Variants in CASP4 observed in about 807,000 individuals in gnomAD.
CASP4 encodes caspase-4.
CASP4 carries 29 observed loss-of-function variants against 41.3 expected under a neutral mutation model. That is an observed-to-expected ratio of 0.70 (90% CI 0.52 to 0.96). CASP4 has a LOEUF of 0.96. Ranked by LOEUF, CASP4 falls within the 40% of genes least tolerant of loss-of-function variation. The pLI, the probability that CASP4 is intolerant of heterozygous loss-of-function variation, is 0.00. For synonymous variants in CASP4, 185 were observed against 158.4 expected (o/e 1.17, Z -1.26); for missense variants, 447 against 460.6 (o/e 0.97, Z 0.27).
intron 1 of CASP4, among the ~76,000 whole-genome samples, chr11:104,955,984 A>G (rs1314368780): frequency 1.3e-5 from 2 of 152,150 alleles, no homozygotes; most frequent in Non-Finnish European, 2.9e-5. Flanking sequence ...GTTATCTTGA[A>G]TTAATATTTT....
chr11:104,951,739 T>C, intron 3 of CASP4, 157 bp downstream of exon 3: 1 of 682,366 alleles, frequency 1.5e-6, no homozygotes, highest in South Asian at 1.5e-5. Context: ...ATTGGTATCA[T>C]TGTGAAGTCA....
intron 1 of CASP4, among the ~76,000 whole-genome samples, chr11:104,964,947 A>G (rs1447158890): frequency 6.6e-6 from 1 of 152,246 alleles, no homozygotes; most frequent in Non-Finnish European, 1.5e-5. Context: ...CATGCAAATA[A>G]TCAGGCCAAG....
chr11:104,956,238 GTAGTTATTA>G (rs1373174274), intron 1 of CASP4, among the ~76,000 whole-genome samples: 1 of 151,884 alleles, frequency 6.6e-6, no homozygotes, highest in Non-Finnish European at 1.5e-5. Flanking sequence ...AGCCAGTGGG[GTAGTTATTA>G]TATTCCCTAT....
At chr11:104,955,404 C>T (rs947538180) in intron 1 of CASP4, among the ~76,000 whole-genome samples, 1 of 151,908 alleles carries the variant, frequency 6.6e-6, no homozygotes, top group Admixed American at 6.6e-5. Context: ...TAAATTCTTC[C>T]TACTAGATTT....
At chr11:104,950,549 C>T (rs776778934) in intron 4 of CASP4, among the ~76,000 whole-genome samples, 4 of 151,918 alleles carry the variant, frequency 2.6e-5, no homozygotes, top group Non-Finnish European at 4.4e-5. Context: ...CTATTCCCAA[C>T]GTTAGGAATA....
intron 8 of CASP4, chr11:104,944,470 C>G (rs1860404386): frequency 3.0e-6 from 1 of 336,610 alleles, no homozygotes; most frequent in African/African-American, 2.1e-5. Context: ...GAGCATGTTT[C>G]TATTTTAATA....
intron 1 of CASP4, 95 bp from the exon 2 acceptor site, chr11:104,955,096 A>G: frequency 8.3e-7 from 1 of 1,204,186 alleles, no homozygotes; most frequent in South Asian, 1.5e-5. Context: ...AATACTTCTG[A>G]AAGTATGTCC....
At position 104,947,159 on chromosome 11, in the gene CASP4, G is replaced by C. The variant is rs971501537; in HGVS notation, c.959C>G (p.Ser320Cys). ...TGTGATGAGTTGTGTGATGAAGATA[G>C]AGCCCATTGTGCTGTCTCTCCAGGA... ...NVSWRDSTMG[S>C]IFITQLITCF... The change falls in exon 7 of 9, where the codon TCT becomes TGT. Residue 320 changes from serine to cysteine, a missense_variant. Physicochemically the swap from Ser to Cys is moderately radical, Grantham distance 112. Coordinates refer to ENST00000444739, the MANE Select transcript of CASP4 (RefSeq NM_001225.4). 1 of 1,612,458 alleles carries C rather than the reference G, an allele frequency of 6.2e-7. No homozygotes were observed. The highest frequency in any genetic ancestry group is 1.3e-5 in the African/African-American group (1 of 74,986).
intron 1 of CASP4, among the ~76,000 whole-genome samples, chr11:104,967,853 A>G (rs1861009920): frequency 1.3e-5 from 2 of 152,196 alleles, no homozygotes; most frequent in South Asian, 4.1e-4. Flanking sequence ...CTAGCTGCCT[A>G]AGTAACTCTA....
chr11:104,945,341 C>A (rs982901791), intron 7 of CASP4, among the ~76,000 whole-genome samples: 2 of 151,848 alleles, frequency 1.3e-5, no homozygotes, highest in South Asian at 4.2e-4. Context: ...CAACCTCCGC[C>A]TCCAGAGTTC....
rs115748894 is a variant in CASP4 at position 104,966,072 on chromosome 11, G to C, written c.7+2447C>G. Among the ~76,000 whole-genome samples, 1,156 of 152,216 alleles carry C rather than the reference G, an allele frequency of 7.6e-3. 8 individuals carry two copies. The highest frequency in any genetic ancestry group is 0.042 in the South Asian group (201 of 4,824). ...AACGTTCTTATTTCTGAATGCTCGG[G>C]GAGACTGATTTAAGTAATAATAACA... On this transcript the variant is annotated intron_variant, in intron 1 of 8. Transcript: ENST00000444739.
chr11:104,963,287 T>A (rs1043652052), intron 1 of CASP4, among the ~76,000 whole-genome samples: 1 of 152,172 alleles, frequency 6.6e-6, no homozygotes, highest in African/African-American at 2.4e-5. Flanking sequence ...AATGCACACA[T>A]AAGAGGCACT....
chr11:104,943,684 A>T (rs950435691), intron 8 of CASP4: 1 of 152,202 alleles, frequency 6.6e-6, no homozygotes, highest in Non-Finnish European at 1.5e-5. Flanking sequence ...GGCATATTCC[A>T]AGCATCTAGA....
chr11:104,944,366 C>CTGTGTGTGTGTGTGTG (rs751326691), intron 8 of CASP4: 2 of 106,918 alleles, frequency 1.9e-5, no homozygotes, highest in African/African-American at 6.2e-5. Flanking sequence ...CTCTCTCTCT[C>CTGTGTGTGTGTGTGTG]TCTGTGTGTG....
chr11:104,960,233 C>T (rs1024343675), intron 1 of CASP4, among the ~76,000 whole-genome samples: 1 of 152,258 alleles, frequency 6.6e-6, no homozygotes, highest in Admixed American at 6.5e-5. Flanking sequence ...CTCAGGGAAT[C>T]AAGTCTCTAC....
At chr11:104,946,881 T>A (rs180863076) in intron 7 of CASP4, 1 of 451,414 alleles carries the variant, frequency 2.2e-6, no homozygotes, top group Non-Finnish European at 4.0e-6. Flanking sequence ...ATGGTTGATA[T>A]TATTTTATTT....
chr11:104,943,712 G>A (rs541968462), intron 8 of CASP4: 2 of 152,296 alleles, frequency 1.3e-5, no homozygotes, highest in East Asian at 3.9e-4. Context: ...CTGGTGCACA[G>A]TTAGTGTTGG....
intron 2 of CASP4, among the ~76,000 whole-genome samples, chr11:104,952,656 C>A (rs565498202): frequency 6.6e-6 from 1 of 152,126 alleles, no homozygotes; most frequent in African/African-American, 2.4e-5. Context: ...TACACCAAAG[C>A]ACAGAATATT....
In CASP4 at chr11:104,954,880, C is replaced by CT. The variant is rs772291949; in HGVS notation, c.128dup (p.Lys44GlufsTer6). ...CTTCAGTTTTAGCATCGTAATATTT[C>CT]TTTTTTTCCTCTTCCTTCCAGTTCA... is the stretch of plus-strand genomic sequence containing the variant. On this transcript the variant is annotated frameshift_variant, in exon 2 of 9. Transcript: ENST00000444739. LOFTEE classifies it high-confidence loss of function. 6.2e-7 allele frequency: 1 copy of CT among 1,613,788 alleles called. No homozygotes were observed. The highest frequency in any genetic ancestry group is 8.5e-7 in the Non-Finnish European group (1 of 1,179,804).
Sources: allele counts gnomAD v4.1 joint callset (sites outside exome capture counted in the v4.1 genomes callset), GRCh38; gene constraint gnomAD v4.1.1; transcripts MANE v1.5; gene names NCBI Gene and HGNC (gene_info 2026-07-23, HGNC 2026-07-21).